Variants in ENDOD1 observed in about 807,000 individuals in gnomAD.
ENDOD1 encodes endonuclease domain containing 1.
Under a neutral mutation model 6.5 loss-of-function variants are expected in ENDOD1, and 9 were observed. That is an observed-to-expected ratio of 1.39 (90% CI 0.84 to 2.43). ENDOD1 has a LOEUF of 2.43. Among genes scored for constraint, ENDOD1 ranks in the 30% most tolerant of loss-of-function variants. ENDOD1 has a pLI of 0.00. For synonymous variants in ENDOD1, 255 were observed against 255.2 expected (o/e 1.00, Z 0.01); for missense variants, 648 against 635.5 (o/e 1.02, Z -0.21).
Position 95,129,310 on chromosome 11 carries a change from C to G in ENDOD1, c.1234C>G (p.Leu412Val). 1 of 1,614,190 alleles carries G rather than the reference C, an allele frequency of 6.2e-7. No homozygotes were observed. Among genetic ancestry groups the G allele is most frequent in the Non-Finnish European group, 8.5e-7 (1 of 1,180,042 alleles). Residue 412 changes from leucine (L) to valine (V), a missense_variant, in exon 2 of 2, where the codon CTC (leucine) becomes GTC (valine). Leu to Val is a conservative substitution (Grantham distance 32). Transcript: ENST00000278505. Reference sequence around the variant, plus strand: ...GGTCGTGGCCAAAGTCATCAGGGCTCTCCTCCGGATCCTTTGTTGTCTGCT... The same window carrying G: ...GGTCGTGGCCAAAGTCATCAGGGCTGTCCTCCGGATCCTTTGTTGTCTGCT... ...LKVVAKVIRA[L>V]LRILCCLLKA...
intron 1 of ENDOD1, among the ~76,000 whole-genome samples, chr11:95,096,923 G>A (rs894276924): frequency 3.9e-5 from 6 of 152,160 alleles, no homozygotes; most frequent in African/African-American, 1.4e-4. Context: ...ACTACTTTGG[G>A]AGGCCAAGGC....
intron 1 of ENDOD1, among the ~76,000 whole-genome samples, chr11:95,101,296 G>T (rs1011809794): frequency 6.6e-6 from 1 of 152,176 alleles, no homozygotes; most frequent in Non-Finnish European, 1.5e-5. Context: ...GCTAGAGTTT[G>T]CCAAACCCTG....
At chr11:95,100,672 CT>C (rs1859029978) in intron 1 of ENDOD1, among the ~76,000 whole-genome samples, 1 of 149,682 alleles carries the variant, frequency 6.7e-6, no homozygotes, top group Non-Finnish European at 1.5e-5. Flanking sequence ...TTTTTTTTTG[CT>C]TTTTGTAGAG....
At chr11:95,113,663 G>A (rs56959400) in intron 1 of ENDOD1, among the ~76,000 whole-genome samples, 6,360 of 152,218 alleles carry the variant, frequency 0.042, 159 homozygotes, top group African/African-American at 0.05. Context: ...AGGACACTTA[G>A]GTTGTTTCAA....
Position 95,129,414 on chromosome 11 carries a change from C to T in ENDOD1, c.1338C>T (p.Gly446=), listed in dbSNP as rs371181575. 55 of 1,614,012 alleles carry T rather than the reference C, an allele frequency of 3.4e-5. No homozygotes were observed. The highest frequency in any genetic ancestry group is 5.5e-5 in the South Asian group (5 of 91,084). Residue 446 remains glycine, a synonymous_variant, in exon 2 of 2, where the codon GGC becomes GGT. Coordinates refer to ENST00000278505, the MANE Select transcript of ENDOD1 (RefSeq NM_015036.3). ...CCACTTTCCCTGTGTACACCATGGG[C>T]GCTATTCCAATTGTTTGCAAGGACA... ...DVATFPVYTM[G]AIPIVCKDIA...
intron 1 of ENDOD1, among the ~76,000 whole-genome samples, chr11:95,102,211 C>T (rs1459841727): frequency 6.6e-6 from 1 of 152,108 alleles, no homozygotes; most frequent in Non-Finnish European, 1.5e-5. Context: ...GCCATTTGGC[C>T]TCACATTTAG....
At position 95,090,134 on chromosome 11, in the gene ENDOD1, C is replaced by A. The variant is rs782344704; in HGVS notation, c.207C>A (p.Tyr69Ter). 6 of 1,542,246 alleles carry A rather than the reference C, an allele frequency of 3.9e-6. No individual in the cohort carries two copies. The South Asian group carries it at 7.3e-5, about 19-fold the overall frequency. ...GTGCTGAGCGCTTCGCCACCCTCTA[C>A]AGCACCCGGGACCGCATCCCCGTGT... ...AEGAERFATLYSTRDRIPVYS... is the reference protein window; with the variant it reads ...AEGAERFATL The change falls in exon 1 of 2, where the codon TAC (tyrosine) becomes TAA (stop). Residue 69 changes from tyrosine to a stop codon, truncating the protein, a stop_gained. Coordinates refer to ENST00000278505, the MANE Select transcript of ENDOD1 (RefSeq NM_015036.3). LOFTEE classifies it high-confidence loss of function.
At chr11:95,105,275 C>G (rs1161370542) in intron 1 of ENDOD1, among the ~76,000 whole-genome samples, 2 of 152,200 alleles carry the variant, frequency 1.3e-5, no homozygotes, top group African/African-American at 2.4e-5. Flanking sequence ...CCTTCATGCT[C>G]AAGTCCCTTA....
Position 95,128,413 on chromosome 11 carries a change from A to G in ENDOD1, c.337A>G (p.Asn113Asp). 5.6e-6 allele frequency: 9 copies of G among 1,614,008 alleles called. No individual in the cohort carries two copies. Among genetic ancestry groups the G allele is most frequent in the Non-Finnish European group, 5.9e-6 (7 of 1,179,950 alleles). The change falls in exon 2 of 2, where the codon AAT becomes GAT. Residue 113 changes from asparagine to aspartate, a missense_variant. Asn to Asp is a conservative substitution (Grantham distance 23). Coordinates refer to ENST00000278505, the MANE Select transcript of ENDOD1 (RefSeq NM_015036.3). ...DPNSNLEEAI[N>D]EAEAITSVNS... The stretch of plus-strand genomic sequence containing the variant: ...CAACAGCAACCTTGAGGAGGCGATT[A>G]ATGAGGCAGAGGCCATCACCTCTGT...
chr11:95,116,787 A>G (rs1859213579), intron 1 of ENDOD1, among the ~76,000 whole-genome samples: 1 of 152,122 alleles, frequency 6.6e-6, no homozygotes, highest in Non-Finnish European at 1.5e-5. Context: ...ATTTCCATGT[A>G]TTTGTATAGT....
At chr11:95,115,854 G>A (rs1859203738) in intron 1 of ENDOD1, among the ~76,000 whole-genome samples, 1 of 152,108 alleles carries the variant, frequency 6.6e-6, no homozygotes, top group South Asian at 2.1e-4. Context: ...TGGTCATGAT[G>A]AATGATCTTT....
At chr11:95,090,625 C>T (rs1248648391) in intron 1 of ENDOD1, among the ~76,000 whole-genome samples, 5 of 152,314 alleles carry the variant, frequency 3.3e-5, no homozygotes, top group South Asian at 4.1e-4. Flanking sequence ...GGCCTTCGTG[C>T]AACTTATTGC....
In ENDOD1 at chr11:95,128,558, C is replaced by T; in HGVS notation, c.482C>T (p.Thr161Ile). The T allele has an allele frequency of 1.2e-6, 2 of 1,614,278 alleles. No homozygotes were observed. Among genetic ancestry groups the T allele is most frequent in the Non-Finnish European group, 1.7e-6 (2 of 1,180,050 alleles). The change falls in exon 2 of 2, where the codon ACA becomes ATA. Residue 161 changes from threonine to isoleucine, a missense_variant. Transcript: ENST00000278505. ...SDVQVATFTLTNSAPMTQSFQ... is the reference protein window; with the variant it reads ...SDVQVATFTLINSAPMTQSFQ... ...GTCCAGGTGGCCACATTTACTCTCA[C>T]AAATTCAGCCCCAATGACTCAGTCC...
intron 1 of ENDOD1, among the ~76,000 whole-genome samples, chr11:95,110,421 T>A (rs1859136387): frequency 6.6e-6 from 1 of 152,242 alleles, no homozygotes; most frequent in South Asian, 2.1e-4. Flanking sequence ...GTCTCTATTA[T>A]GACTTAGGCA....
rs1859370795 is a variant in ENDOD1 at position 95,131,520 on chromosome 11, C to T, written c.*1941C>T. 6.6e-6 allele frequency: 1 copy of T among 152,186 alleles called. No homozygotes were observed. Among genetic ancestry groups the T allele is most frequent in the Admixed American group, 6.5e-5 (1 of 15,284 alleles). The allele number at this position is 152,186 out of a possible 1,614,324, so 9.4% of individuals were successfully genotyped here. A position where few individuals can be genotyped will look rare whatever the true frequency, so the allele number is the denominator to read the frequency against. ...GAGCCAACGTTGTTTGCACATGTCC[C>T]ATCACACCTGAGATGTCAGACATGG... On this transcript the variant is annotated 3_prime_UTR_variant, in exon 2 of 2. Coordinates refer to ENST00000278505, the MANE Select transcript of ENDOD1 (RefSeq NM_015036.3).
At chr11:95,095,708 A>T (rs187277236) in intron 1 of ENDOD1, among the ~76,000 whole-genome samples, 185 of 152,108 alleles carry the variant, frequency 1.2e-3, no homozygotes, top group African/African-American at 4.2e-3. Flanking sequence ...CTCTATAACA[A>T]CTCTAGGTAT....
chr11:95,120,778 T>C (rs996872233), intron 1 of ENDOD1, among the ~76,000 whole-genome samples: 5 of 152,216 alleles, frequency 3.3e-5, no homozygotes, highest in Admixed American at 2.0e-4. Context: ...CTGCCTTTCA[T>C]GTTTATTTAA....
intron 1 of ENDOD1, among the ~76,000 whole-genome samples, chr11:95,107,870 T>A (rs1159418594): frequency 6.6e-6 from 1 of 152,054 alleles, no homozygotes; most frequent in African/African-American, 2.4e-5. Context: ...GTAGAGACCG[T>A]GTTAGCCAGG....
intron 1 of ENDOD1, among the ~76,000 whole-genome samples, chr11:95,106,653 G>A (rs1025270294): frequency 3.3e-5 from 5 of 152,136 alleles, no homozygotes; most frequent in Non-Finnish European, 7.3e-5. Context: ...TCTAATAGGT[G>A]GAGGATCCAA....
Sources: allele counts gnomAD v4.1 joint callset (sites outside exome capture counted in the v4.1 genomes callset), GRCh38; gene constraint gnomAD v4.1.1; transcripts MANE v1.5; gene names NCBI Gene and HGNC (gene_info 2026-07-23, HGNC 2026-07-21).